Variants in PIEZO1 observed in about 807,000 individuals in gnomAD.
PIEZO1 encodes the protein piezo-type mechanosensitive ion channel component 1.
PIEZO1 carries 296 observed loss-of-function variants against 297.2 expected under a neutral mutation model. The observed-to-expected ratio is 1.00, with a 90% CI of 0.91 to 1.10. PIEZO1 has a LOEUF of 1.10. PIEZO1 is among the 50% of genes least tolerant of loss of function. The pLI, the probability that PIEZO1 is intolerant of heterozygous loss-of-function variation, is 0.00. For synonymous variants in PIEZO1, 2,427 were observed against 1,507.5 expected, an observed-to-expected ratio of 1.61 and a Z score of -14.13; for missense variants, 5,018 against 3,455.5, an observed-to-expected ratio of 1.45 and a Z score of -11.34.
In PIEZO1 at chr16:88,726,933, C is replaced by G; in HGVS notation, c.3481G>C (p.Ala1161Pro). The change falls in exon 25 of 51, where the codon GCC becomes CCC. Residue 1161 changes from alanine to proline, a missense_variant. Physicochemically the swap from Ala to Pro is conservative, Grantham distance 27. Transcript: ENST00000301015. ...AGCCAGAACAGGTATCGGAAGACGG[C>G]CACCTTCAGCATGTCAAGGTAGGAC... The part of the protein sequence containing the change: ...CRSYLDMLKV[A>P]VFRYLFWLVL... 1 of 1,550,416 alleles carries G rather than the reference C, an allele frequency of 6.4e-7. No individual in the cohort carries two copies. The highest frequency in any genetic ancestry group is 8.7e-7 in the Non-Finnish European group (1 of 1,146,910).
chr16:88,769,315 G>A (rs1389747392), intron 1 of PIEZO1, among the ~76,000 whole-genome samples: 1 of 152,208 alleles, frequency 6.6e-6, no homozygotes, highest in Non-Finnish European at 1.5e-5. Context: ...GCCTCCCAAA[G>A]TGCTGGGATT....
In PIEZO1 at chr16:88,732,408, T is replaced by A; in HGVS notation, c.2918A>T (p.Gln973Leu). The A allele has an allele frequency of 6.5e-7, 1 of 1,549,776 alleles. No individual in the cohort carries two copies. Among genetic ancestry groups the A allele is most frequent in the Non-Finnish European group, 8.7e-7 (1 of 1,146,542 alleles). Residue 973 changes from glutamine (Q) to leucine (L), a missense_variant, in exon 21 of 51, where the codon CAG becomes CTG. Transcript: ENST00000301015. The part of the protein sequence containing the change: ...AQAVFASGTR[Q>L]QLDQDLLGCL... ...GCCGAGCAGATCCTGGTCCAGCTGC[T>A]GGCGGGTGCCGCTGGCAAACACGGC...
chr16:88,733,468 G>GCA lies in PIEZO1; in HGVS notation c.2488-16_2488-15dup. The GCA allele has an allele frequency of 6.5e-7, 1 of 1,543,118 alleles. No individual in the cohort carries two copies. Among genetic ancestry groups the GCA allele is most frequent in the Non-Finnish European group, 8.8e-7 (1 of 1,141,212 alleles). ...CATCACCGACACCTGAGGGCAGTGG[G>GCA]CACGTGGGGCTGGGCTTGGGGAGGG... is the stretch of plus-strand genomic sequence containing the variant. On this transcript the variant is annotated splice_polypyrimidine_tract_variant and intron_variant, in intron 18 of 50. Transcript: ENST00000301015.
chr16:88,740,873 G>A (rs886207887), intron 5 of PIEZO1: 1 of 152,328 alleles, frequency 6.6e-6, no homozygotes, highest in Non-Finnish European at 1.5e-5. Flanking sequence ...GCAGGGACGA[G>A]AGGGTCTGAG....
At position 88,749,419 on chromosome 16, in the gene PIEZO1, GGCA is replaced by G. The variant is rs868591838; in HGVS notation, c.122_124del (p.Leu41del). On this transcript the variant is annotated inframe_deletion, in exon 2 of 51. Transcript: ENST00000301015. ...GCATCGGGTGGGGCCGGGGAACCAG[GGCA>G]GCAGCAGCAGGAAGAGCAGGTAGAC... is the stretch of plus-strand genomic sequence containing the variant. 10 of 1,523,310 alleles carry G rather than the reference GGCA, an allele frequency of 6.6e-6. No homozygotes were observed. The highest frequency in any genetic ancestry group is 4.1e-5 in the Admixed American group (2 of 49,150). 94.4% of individuals were successfully genotyped at this position (1,523,310 alleles called of 1,614,324 possible). A position where few individuals can be genotyped will look rare whatever the true frequency, so the allele number is the denominator to read the frequency against.
intron 1 of PIEZO1, among the ~76,000 whole-genome samples, chr16:88,764,223 T>C (rs957968885): frequency 3.3e-5 from 5 of 152,096 alleles, no homozygotes; most frequent in African/African-American, 1.2e-4. Context: ...ACACGGGGTC[T>C]CGGCCACAGG....
In PIEZO1 at chr16:88,732,317, G is replaced by T. The variant is rs1904908696; in HGVS notation, c.2991+18C>A. The T allele has an allele frequency of 3.2e-6, 5 of 1,542,660 alleles. No individual in the cohort carries two copies. The highest frequency in any genetic ancestry group is 1.4e-5 in the African/African-American group (1 of 72,854). The stretch of plus-strand genomic sequence containing the variant: ...AGGCCAAGCCCTGCCCCAGGGGGAG[G>T]CAATGTCCTTGCCTCACCTCCAGCC... On this transcript the variant is annotated intron_variant, in intron 21 of 50. Transcript: ENST00000301015.
At chr16:88,722,170 T>A in intron 36 of PIEZO1, 48 bp downstream of exon 36, 1 of 1,528,190 alleles carries the variant, frequency 6.5e-7, no homozygotes, top group Non-Finnish European at 8.8e-7. Context: ...GTTCGGCTGC[T>A]CCCCGAGGGC....
At position 88,733,922 on chromosome 16, in the gene PIEZO1, G is replaced by A; in HGVS notation, c.2313C>T (p.Ala771=). The A allele has an allele frequency of 6.6e-7, 1 of 1,517,854 alleles. No homozygotes were observed. Among genetic ancestry groups the A allele is most frequent in the Non-Finnish European group, 8.9e-7 (1 of 1,127,230 alleles). 94.0% of individuals were successfully genotyped at this position (1,517,854 alleles called of 1,614,324 possible). ...CCAACCCACCTTCAGGCACCTGCGT[G>A]GCCTGGTGGGGAGTGGCCACGCCCA... The part of the protein sequence containing the change: ...EGLGVATPHQ[A]TQVPEGAAKW... The change falls in exon 17 of 51, where the codon GCC becomes GCT. Residue 771 remains alanine, a synonymous_variant. Transcript: ENST00000301015.
chr16:88,734,006 C>A lies in PIEZO1; in HGVS notation c.2229G>T (p.Glu743Asp). The change falls in exon 17 of 51, where the codon GAG becomes GAT. Residue 743 changes from glutamate to aspartate, a missense_variant. Glu to Asp is a conservative substitution (Grantham distance 45). Coordinates refer to ENST00000301015, the MANE Select transcript of PIEZO1 (RefSeq NM_001142864.4). Reference protein sequence around the residue: ...GTPLLREEQQEHQQQQQEEEE... With the variant: ...GTPLLREEQQDHQQQQQEEEE... ...CCTCCTCCTGCTGCTGCTGCTGATG[C>A]TCCTGCTGCTCCTCCCGCAGCAGTG... 6.5e-7 allele frequency: 1 copy of A among 1,547,974 alleles called. No individual in the cohort carries two copies. Among genetic ancestry groups the A allele is most frequent in the Non-Finnish European group, 8.7e-7 (1 of 1,145,206 alleles).
Position 88,719,735 on chromosome 16 carries a change from G to T in PIEZO1, c.6324-14C>A, listed in dbSNP as rs147634754. The T allele has an allele frequency of 6.4e-7, 1 of 1,550,418 alleles. No homozygotes were observed. The highest frequency in any genetic ancestry group is 1.4e-5 in the African/African-American group (1 of 73,060). ...ACCAGCCGGAACCTGCCCACAGCCA[G>T]GGTTCCCGTCAGGTGGGCTCCCTCA... On this transcript the variant is annotated splice_polypyrimidine_tract_variant and intron_variant, in intron 43 of 50. Coordinates refer to ENST00000301015, the MANE Select transcript of PIEZO1 (RefSeq NM_001142864.4).
At position 88,734,244 on chromosome 16, in the gene PIEZO1, C is replaced by T. The variant is rs143155456; in HGVS notation, c.2180+112G>A. On this transcript the variant is annotated intron_variant, in intron 16 of 50. Coordinates refer to ENST00000301015, the MANE Select transcript of PIEZO1 (RefSeq NM_001142864.4). ...CATCCCCTTGGTATGAGCAAATGCC[C>T]CTTGGGATCTGAAGGTGGAAGATGT... The T allele has an allele frequency of 1.4e-5, 17 of 1,224,790 alleles. No individual in the cohort carries two copies. In the African/African-American group the frequency reaches 2.3e-4, roughly 16 times the overall value. 75.9% of individuals were successfully genotyped at this position (1,224,790 alleles called of 1,614,324 possible). A position where few individuals can be genotyped will look rare whatever the true frequency, so the allele number is the denominator to read the frequency against.
At position 88,737,994 on chromosome 16, in the gene PIEZO1, C is replaced by G. The variant is rs747107730; in HGVS notation, c.960G>C (p.Leu320=). 6.5e-7 allele frequency: 1 copy of G among 1,535,122 alleles called. No homozygotes were observed. Among genetic ancestry groups the G allele is most frequent in the South Asian group, 1.2e-5 (1 of 83,976 alleles). Residue 320 remains leucine (L), a synonymous_variant, in exon 8 of 51, where the codon CTG becomes CTC. Transcript: ENST00000301015. ...WPVYASPGVL[L]LLCYATASLR... is the part of the protein sequence containing the mutation. ...GAGAGGCCGTGGCGTAGCACAGCAG[C>G]AGGAGGACGCCGGGGCTGGCATACA...
chr16:88,761,238 C>G (rs1906919555), intron 1 of PIEZO1, among the ~76,000 whole-genome samples: 1 of 152,234 alleles, frequency 6.6e-6, no homozygotes, highest in Non-Finnish European at 1.5e-5. Context: ...CCCTGGGATT[C>G]TCCCACAAGC....
At chr16:88,722,101 G>A in intron 36 of PIEZO1, 35 bp from the exon 37 acceptor site, 1 of 1,534,974 alleles carries the variant, frequency 6.5e-7, no homozygotes, top group South Asian at 1.2e-5. Context: ...GGGAGTCTGG[G>A]ACTGCCCGAA....
At chr16:88,770,691 C>A (rs1555562734) in intron 1 of PIEZO1, among the ~76,000 whole-genome samples, 2 of 152,232 alleles carry the variant, frequency 1.3e-5, no homozygotes, top group Non-Finnish European at 1.5e-5. Context: ...GCCAGTGACT[C>A]AGCCAGGCCG....
In PIEZO1 at chr16:88,721,550, G is replaced by A. The variant is rs543060098; in HGVS notation, c.5391C>T (p.Arg1797=). The change falls in exon 38 of 51, where the codon CGC becomes CGT. Residue 1797 remains arginine, a synonymous_variant. Transcript: ENST00000301015. ...GGCTCACACTCACCAGCAGCTGGGA[G>A]CGGTGGAAGAAAAGGGCCATGAGCT... ...LVQLMALFFH[R]SQLLCYGLWD... The A allele has an allele frequency of 6.5e-7, 1 of 1,549,542 alleles. No homozygotes were observed. Among genetic ancestry groups the A allele is most frequent in the East Asian group, 2.4e-5 (1 of 40,892 alleles).
chr16:88,724,999 T>G lies in PIEZO1; in HGVS notation c.4234+10A>C, dbSNP rs1028389913. Reference sequence around the variant, plus strand: ...GAGAGGGTGGCCACAGGCGGCCTAATTGGGGGTACCTGTGGCGTGGTCCAG... The same window carrying G: ...GAGAGGGTGGCCACAGGCGGCCTAAGTGGGGGTACCTGTGGCGTGGTCCAG... On this transcript the variant is annotated intron_variant, in intron 30 of 50. Coordinates refer to ENST00000301015, the MANE Select transcript of PIEZO1 (RefSeq NM_001142864.4). 1.4e-6 allele frequency: 2 copies of G among 1,460,414 alleles called. No individual in the cohort carries two copies. The highest frequency in any genetic ancestry group is 2.8e-5 in the South Asian group (2 of 72,366). The allele number at this position is 1,460,414 out of a possible 1,614,324, so 90.5% of individuals were successfully genotyped here.
chr16:88,769,803 G>A (rs1907340057), intron 1 of PIEZO1, among the ~76,000 whole-genome samples: 1 of 152,160 alleles, frequency 6.6e-6, no homozygotes, highest in African/African-American at 2.4e-5. Context: ...AGGGTGGGCG[G>A]GGCCAGGACG....
Sources: allele counts gnomAD v4.1 joint callset (sites outside exome capture counted in the v4.1 genomes callset), GRCh38; gene constraint gnomAD v4.1.1; transcripts MANE v1.5; gene names NCBI Gene and HGNC (gene_info 2026-07-23, HGNC 2026-07-21).